The following ITPKB variants were observed in gnomAD, a reference collection of about 807,000 sequenced individuals.
ITPKB encodes the protein IP3 3-kinase B.
A neutral mutation model predicts 69.4 loss-of-function variants in ITPKB; 13 were observed. The observed-to-expected ratio is 0.19, with a 90% CI of 0.12 to 0.30. ITPKB has a LOEUF of 0.30. Among genes scored for constraint, ITPKB ranks in the 10% least tolerant of loss-of-function variants. The probability of loss-of-function intolerance (pLI) is 1.00; values close to 1 mark genes in which losing one functional copy is unlikely to be tolerated. For missense variants in ITPKB, 1,240 were observed against 1,250.5 expected (o/e 0.99, Z 0.13); for synonymous variants, 584 against 513.7 (o/e 1.14, Z -1.85).
chr1:226,698,010 G>C (rs888809920), intron 2 of ITPKB, among the ~76,000 whole-genome samples: 14 of 152,288 alleles, frequency 9.2e-5, no homozygotes, highest in Admixed American at 8.5e-4. Context: ...ACTCCCCCCG[G>C]GGCAGAACAG....
At chr1:226,707,451 C>T in intron 2 of ITPKB, 1 of 795,920 alleles carries the variant, frequency 1.3e-6, no homozygotes, top group Non-Finnish European at 1.5e-6. Flanking sequence ...CCCGCCTTGG[C>T]CTCCTAAAGT....
intron 2 of ITPKB, among the ~76,000 whole-genome samples, chr1:226,713,063 C>T (rs1657010281): frequency 2.0e-5 from 3 of 151,990 alleles, no homozygotes; most frequent in Non-Finnish European, 4.4e-5. Flanking sequence ...CACATGCATG[C>T]ACACACACAT....
chr1:226,650,029 G>A (rs548117708), intron 2 of ITPKB, among the ~76,000 whole-genome samples: 3 of 152,242 alleles, frequency 2.0e-5, no homozygotes, highest in Non-Finnish European at 4.4e-5. Context: ...GCTAAACCAC[G>A]GAGAGCAGAA....
At chr1:226,692,863 T>C (rs933368897) in intron 2 of ITPKB, among the ~76,000 whole-genome samples, 1 of 152,228 alleles carries the variant, frequency 6.6e-6, no homozygotes, top group African/African-American at 2.4e-5. Flanking sequence ...CAACTGTGAA[T>C]ATACTCTCAT....
chr1:226,691,744 C>A (rs1050155197), intron 2 of ITPKB, among the ~76,000 whole-genome samples: 1 of 152,224 alleles, frequency 6.6e-6, no homozygotes, highest in Admixed American at 6.5e-5. Context: ...GTCTATCATG[C>A]CACCTTAGCA....
chr1:226,653,471 G>C (rs989443126), intron 2 of ITPKB, among the ~76,000 whole-genome samples: 1 of 152,172 alleles, frequency 6.6e-6, no homozygotes, highest in Non-Finnish European at 1.5e-5. Flanking sequence ...CAGGGCCCCT[G>C]GTGCCCCTAA....
chr1:226,686,590 C>T (rs548464374), intron 2 of ITPKB, among the ~76,000 whole-genome samples: 160 of 152,324 alleles, frequency 1.1e-3, no homozygotes, highest in African/African-American at 3.3e-3. Context: ...TGCGGTGTAA[C>T]GTGCCCTCCA....
At chr1:226,732,751 G>A (rs1657629702) in intron 2 of ITPKB, among the ~76,000 whole-genome samples, 1 of 152,150 alleles carries the variant, frequency 6.6e-6, no homozygotes, top group South Asian at 2.1e-4. Flanking sequence ...AAAAGATTGA[G>A]CACTATCCTT....
chr1:226,723,864 GT>G (rs1657322029), intron 2 of ITPKB, among the ~76,000 whole-genome samples: 1 of 152,084 alleles, frequency 6.6e-6, no homozygotes, highest in Non-Finnish European at 1.5e-5. Flanking sequence ...CCAATCCCTA[GT>G]AACAAAGTGA....
intron 2 of ITPKB, among the ~76,000 whole-genome samples, chr1:226,734,436 T>C (rs768542380): frequency 9.2e-5 from 14 of 152,202 alleles, no homozygotes; most frequent in Admixed American, 2.6e-4. Context: ...GAGAAAGTTA[T>C]TGAGGTACAG....
At chr1:226,695,700 C>T (rs1342620770) in intron 2 of ITPKB, among the ~76,000 whole-genome samples, 1 of 152,246 alleles carries the variant, frequency 6.6e-6, no homozygotes, top group Non-Finnish European at 1.5e-5. Flanking sequence ...TCACTCTGTC[C>T]TCTGGCAGCC....
intron 2 of ITPKB, among the ~76,000 whole-genome samples, chr1:226,654,069 C>T (rs966736204): frequency 6.6e-6 from 1 of 152,058 alleles, no homozygotes; most frequent in Non-Finnish European, 1.5e-5. Context: ...AGAAAACAGC[C>T]GGACCAGGGT....
In ITPKB at chr1:226,632,764, A is replaced by T. The variant is rs762654213; in HGVS notation, c.*1907T>A. The T allele has an allele frequency of 6.6e-6, 1 of 152,662 alleles. No homozygotes were observed. Among genetic ancestry groups the T allele is most frequent in the African/African-American group, 2.4e-5 (1 of 41,462 alleles). 9.5% of individuals were successfully genotyped at this position (152,662 alleles called of 1,614,324 possible). Reference sequence around the variant, plus strand: ...GTCCCCTGTAATTTTTGTTCATATCATGATTTGCTTTAGCAAACTTCTTTC... The same window carrying T: ...GTCCCCTGTAATTTTTGTTCATATCTTGATTTGCTTTAGCAAACTTCTTTC... On this transcript the variant is annotated 3_prime_UTR_variant, in exon 8 of 8. Transcript: ENST00000429204.
intron 2 of ITPKB, among the ~76,000 whole-genome samples, chr1:226,657,483 TTTG>T (rs985762693): frequency 8.5e-5 from 13 of 152,142 alleles, no homozygotes; most frequent in Admixed American, 2.6e-4. Context: ...AGAGTCTCCC[TTTG>T]TTGTTGTTGT....
chr1:226,638,206 C>A (rs1433604845), intron 6 of ITPKB, among the ~76,000 whole-genome samples: 1 of 152,192 alleles, frequency 6.6e-6, no homozygotes, highest in Non-Finnish European at 1.5e-5. Flanking sequence ...CAGGAACAAA[C>A]CCCAGGCATA....
intron 2 of ITPKB, among the ~76,000 whole-genome samples, chr1:226,711,687 G>A (rs1395230586): frequency 1.3e-5 from 2 of 152,134 alleles, no homozygotes; most frequent in South Asian, 2.1e-4. Context: ...TGGCGATGAC[G>A]AGTGCTGAAC....
chr1:226,678,351 C>G (rs1181707729), intron 2 of ITPKB, among the ~76,000 whole-genome samples: 1 of 152,210 alleles, frequency 6.6e-6, no homozygotes, highest in East Asian at 1.9e-4. Flanking sequence ...CACAGTGACC[C>G]CAGACTTGCT....
chr1:226,701,499 G>A (rs1280194335), intron 2 of ITPKB, among the ~76,000 whole-genome samples: 6 of 150,378 alleles, frequency 4.0e-5, no homozygotes, highest in Admixed American at 6.6e-5. Flanking sequence ...AGCTACTCGG[G>A]AGGCTGAGGC....
In ITPKB at chr1:226,737,047, A is replaced by G; in HGVS notation, c.412T>C (p.Leu138=). 1 of 1,612,088 alleles carries G rather than the reference A, an allele frequency of 6.2e-7. No homozygotes were observed. Among genetic ancestry groups the G allele is most frequent in the Middle Eastern group, 1.6e-4 (1 of 6,062 alleles). ...KRKLRILQRE[L]QNVQVNQKVG... ...TTCTGGTTCACCTGCACGTTCTGCA[A>G]CTCGCGCTGCAAGATCCGCAGCTTC... The change falls in exon 2 of 8, where the codon TTG becomes CTG. Residue 138 remains leucine (L), a synonymous_variant. Coordinates refer to ENST00000429204, the MANE Select transcript of ITPKB (RefSeq NM_002221.4).
Sources: allele counts gnomAD v4.1 joint callset (sites outside exome capture counted in the v4.1 genomes callset), GRCh38; gene constraint gnomAD v4.1.1; transcripts MANE v1.5; gene names NCBI Gene and HGNC (gene_info 2026-07-23, HGNC 2026-07-21).